The following SDK2 variants were observed in gnomAD, a reference collection of about 807,000 sequenced individuals.
SDK2 encodes the protein protein sidekick-2.
In SDK2, 105 loss-of-function variants were observed where a neutral mutation model predicts 253.9. That is an observed-to-expected ratio of 0.41 (90% CI 0.35 to 0.49). SDK2 has a LOEUF of 0.49. SDK2 is among the 20% of genes least tolerant of loss of function. SDK2 has a pLI of 0.06. For synonymous variants in SDK2, 1,249 were observed against 1,234.9 expected (o/e 1.01, Z -0.24); for missense variants, 2,608 against 3,003.0 (o/e 0.87, Z 3.07).
At position 73,459,400 on chromosome 17, in the gene SDK2, C is replaced by T. The variant is rs113270395; in HGVS notation, c.332-3347G>A. On this transcript the variant is annotated intron_variant, in intron 3 of 44. Transcript: ENST00000392650. ...ATCTGACCCTAGACAACCTTTCTTGCCTTAATGCCCACACCACGTCCTGCC... is the reference window on the plus strand; with the variant it reads ...ATCTGACCCTAGACAACCTTTCTTGTCTTAATGCCCACACCACGTCCTGCC... Among the ~76,000 whole-genome samples, 1,145 of 152,306 alleles carry T rather than the reference C, an allele frequency of 7.5e-3. 15 individuals are homozygous for T. Among genetic ancestry groups the T allele is most frequent in the African/African-American group, 0.026 (1,089 of 41,554 alleles).
intron 2 of SDK2, among the ~76,000 whole-genome samples, chr17:73,474,844 T>C (rs2063674882): frequency 6.6e-6 from 1 of 152,044 alleles, no homozygotes; most frequent in African/African-American, 2.4e-5. Flanking sequence ...CAGATATTAT[T>C]AAAAAGCACC....
At position 73,435,528 on chromosome 17, in the gene SDK2, C is replaced by A; in HGVS notation, c.1117G>T (p.Asp373Tyr). ...AAGCACTGGAACATGCCGGTATCATCGGGCACCAGGCCGCTGATCTGCAGG... is the reference window on the plus strand; with the variant it reads ...AAGCACTGGAACATGCCGGTATCATAGGGCACCAGGCCGCTGATCTGCAGG... ...GGLQISGLVP[D>Y]DTGMFQCFAR... The change falls in exon 9 of 45, where the codon GAT becomes TAT. Residue 373 changes from aspartate (D) to tyrosine (Y), a missense_variant. By Grantham distance (160) the Asp-to-Tyr change is radical (BLOSUM62 -3). This residue lies in a region of SDK2 where 1,505 missense variants were observed against 1,859.1 expected (regional missense o/e 0.81). Transcript: ENST00000392650. The surrounding 1 kb of genome is among the most constrained non-coding windows in gnomAD (Gnocchi z 5.7). 6.3e-7 allele frequency: 1 copy of A among 1,599,270 alleles called. No homozygotes were observed. The highest frequency in any genetic ancestry group is 8.5e-7 in the Non-Finnish European group (1 of 1,173,394).
chr17:73,591,974 G>C (rs930092458), intron 1 of SDK2, among the ~76,000 whole-genome samples: 1 of 152,178 alleles, frequency 6.6e-6, no homozygotes, highest in African/African-American at 2.4e-5. Context: ...AGCCTCTCTG[G>C]GGACGTGGGG....
chr17:73,381,452 C>T (rs1249938191), intron 33 of SDK2, among the ~76,000 whole-genome samples: 1 of 151,898 alleles, frequency 6.6e-6, no homozygotes, highest in African/African-American at 2.4e-5. Flanking sequence ...ACCAAAAACG[C>T]AAGCTGTTGG....
In SDK2 at chr17:73,455,463, A is replaced by G. The variant is rs2063519204; in HGVS notation, c.479+443T>C. ...TCCGCCGCACAGCCAAGACACACAC[A>G]GCCCTCACACACCAGTAAACACCCT... On this transcript the variant is annotated intron_variant, in intron 4 of 44. Coordinates refer to ENST00000392650, the MANE Select transcript of SDK2 (RefSeq NM_001144952.2). The surrounding 1 kb of genome is among the most constrained non-coding windows in gnomAD (Gnocchi z 5.0). Among the ~76,000 whole-genome samples the G allele has an allele frequency of 6.6e-6, 1 of 152,112 alleles. No individual in the cohort carries two copies. The highest frequency in any genetic ancestry group is 1.5e-5 in the Non-Finnish European group (1 of 68,010).
chr17:73,634,123 G>A (rs1440213690), intron 1 of SDK2, among the ~76,000 whole-genome samples: 2 of 152,162 alleles, frequency 1.3e-5, no homozygotes, highest in Admixed American at 6.5e-5. Flanking sequence ...CATCAAGAGG[G>A]GGCTCCAAGT....
rs918344206 is a variant in SDK2, at chr17:73,361,151, C to T, written c.5467+533G>A. On this transcript the variant is annotated intron_variant, in intron 39 of 44. Coordinates refer to ENST00000392650, the MANE Select transcript of SDK2 (RefSeq NM_001144952.2). The surrounding 1 kb of genome is among the most constrained non-coding windows in gnomAD (Gnocchi z 4.1). ...GCCACTTTGTCACGGCCTCCAGGGG[C>T]TTTTGTCTAAGTGCAGACTGCCAGG... Among the ~76,000 whole-genome samples, 13 of 152,000 alleles carry T rather than the reference C, an allele frequency of 8.6e-5. No individual in the cohort carries two copies. Among genetic ancestry groups the T allele is most frequent in the Admixed American group, 2.6e-4 (4 of 15,262 alleles).
chr17:73,487,319 T>G (rs1217149417), intron 2 of SDK2, among the ~76,000 whole-genome samples: 1 of 152,050 alleles, frequency 6.6e-6, no homozygotes, highest in Non-Finnish European at 1.5e-5. Flanking sequence ...AGGAGCAAGG[T>G]GGGTTGAAAG....
Position 73,618,480 on chromosome 17 carries a change from T to C in SDK2, c.64+25545A>G, listed in dbSNP as rs2046087742. On this transcript the variant is annotated intron_variant, in intron 1 of 44. Coordinates refer to ENST00000392650, the MANE Select transcript of SDK2 (RefSeq NM_001144952.2). The surrounding 1 kb of genome is among the most constrained non-coding windows in gnomAD (Gnocchi z 4.1). ...TCACTCCTTTGCCCTTTTAGAATCATGACCTCTTAATTAATCAGCAAGGAA... is the reference window on the plus strand; with the variant it reads ...TCACTCCTTTGCCCTTTTAGAATCACGACCTCTTAATTAATCAGCAAGGAA... Among the ~76,000 whole-genome samples, 5 of 152,228 alleles carry C rather than the reference T, an allele frequency of 3.3e-5. No individual in the cohort carries two copies. The highest frequency in any genetic ancestry group is 4.1e-4 in the South Asian group (2 of 4,832).
Position 73,350,223 on chromosome 17 carries a change from A to ACTGCTGG in SDK2, c.6038+13_6038+14insCCAGCAG, listed in dbSNP as rs746208643. Reference sequence around the variant, plus strand: ...GCTGGGCCTGGCCCCCAACCCACGCAGAGGGCCCAGTACCTGGTGTACAGG... The same window carrying ACTGCTGG: ...GCTGGGCCTGGCCCCCAACCCACGCACTGCTGGGAGGGCCCAGTACCTGGTGTACAGG... On this transcript the variant is annotated intron_variant, in intron 43 of 44. Transcript: ENST00000392650. 5 of 1,578,496 alleles carry ACTGCTGG rather than the reference A, an allele frequency of 3.2e-6. No individual in the cohort carries two copies. Among genetic ancestry groups the ACTGCTGG allele is most frequent in the South Asian group, 1.2e-5 (1 of 86,530 alleles).
chr17:73,527,929 G>A (rs912652399), intron 1 of SDK2, among the ~76,000 whole-genome samples: 17 of 152,136 alleles, frequency 1.1e-4, no homozygotes, highest in African/African-American at 4.1e-4. Context: ...AGAAGAATGG[G>A]GATTGTGGAG....
rs1245868247 is a variant in SDK2, at chr17:73,616,292, G to T, written c.64+27733C>A. ...TTCCCCACCCTCTCCCCGCCTGTCT[G>T]AGCTAGACAAATTTCCACCCCCGGC... is the stretch of plus-strand genomic sequence containing the variant. On this transcript the variant is annotated intron_variant, in intron 1 of 44. Transcript: ENST00000392650. This position sits in a 1 kb window ranked among gnomAD's most constrained non-coding sequence, Gnocchi z 5.2. Among the ~76,000 whole-genome samples, 3 of 151,930 alleles carry T rather than the reference G, an allele frequency of 2.0e-5. No homozygotes were observed. The highest frequency in any genetic ancestry group is 4.4e-5 in the Non-Finnish European group (3 of 67,998).
chr17:73,611,246 G>A (rs888109593), intron 1 of SDK2, among the ~76,000 whole-genome samples: 2 of 152,158 alleles, frequency 1.3e-5, no homozygotes, highest in Non-Finnish European at 2.9e-5. Flanking sequence ...TGCCCCCACT[G>A]CTGATGGACA....
At chr17:73,571,683 G>A (rs1483420614) in intron 1 of SDK2, among the ~76,000 whole-genome samples, 1 of 152,224 alleles carries the variant, frequency 6.6e-6, no homozygotes. Context: ...TGCCCAGCGG[G>A]GGCTACGCCT....
At chr17:73,376,844 T>C (rs570277773) in intron 36 of SDK2, among the ~76,000 whole-genome samples, 1 of 152,200 alleles carries the variant, frequency 6.6e-6, no homozygotes, top group Non-Finnish European at 1.5e-5. Context: ...TAGGGCTTCC[T>C]TGGCAACATG....
rs2062607349 is a variant in SDK2 at position 73,358,068 on chromosome 17, G to A, written c.5593+11C>T. The A allele has an allele frequency of 6.2e-7, 1 of 1,613,158 alleles. No individual in the cohort carries two copies. Among genetic ancestry groups the A allele is most frequent in the Non-Finnish European group, 8.5e-7 (1 of 1,179,794 alleles). On this transcript the variant is annotated intron_variant, in intron 40 of 44. Coordinates refer to ENST00000392650, the MANE Select transcript of SDK2 (RefSeq NM_001144952.2). Reference sequence around the variant, plus strand: ...AGCTGTGGGGTCTCAGCCCAGCAGGGCGGGGCGCACCTGAAGGTCTGGCCT... The same window carrying A: ...AGCTGTGGGGTCTCAGCCCAGCAGGACGGGGCGCACCTGAAGGTCTGGCCT...
intron 29 of SDK2, among the ~76,000 whole-genome samples, chr17:73,389,169 G>C (rs775172761): frequency 1.4e-5 from 2 of 144,840 alleles, no homozygotes; most frequent in African/African-American, 2.6e-5. Context: ...ACCACACCTG[G>C]CTGATATTCC....
intron 2 of SDK2, among the ~76,000 whole-genome samples, chr17:73,490,523 GTTT>G (rs1194044828): frequency 3.9e-5 from 4 of 101,648 alleles, no homozygotes; most frequent in Admixed American, 2.1e-4. Context: ...GCCAGGCAGT[GTTT>G]TTTTTTTTTT....
In SDK2 at chr17:73,643,987, A is replaced by AAAC; in HGVS notation, c.64+37_64+38insGTT. The AAAC allele has an allele frequency of 3.1e-6, 1 of 320,460 alleles. No individual in the cohort carries two copies. The highest frequency in any genetic ancestry group is 5.3e-6 in the Non-Finnish European group (1 of 187,578). 19.9% of individuals were successfully genotyped at this position (320,460 alleles called of 1,614,324 possible). Reference sequence around the variant, plus strand: ...CCGCCCCTCCCCCGCCCACTCTCCCAGCCCCCTCCCTGTCCCCACGTGGGG... The same window carrying AAAC: ...CCGCCCCTCCCCCGCCCACTCTCCCAAACGCCCCCTCCCTGTCCCCACGTGGGG... On this transcript the variant is annotated intron_variant, in intron 1 of 44. Coordinates refer to ENST00000392650, the MANE Select transcript of SDK2 (RefSeq NM_001144952.2). This position sits in a 1 kb window ranked among gnomAD's most constrained non-coding sequence, Gnocchi z 6.9.
Sources: allele counts gnomAD v4.1 joint callset (sites outside exome capture counted in the v4.1 genomes callset), GRCh38; gene constraint gnomAD v4.1.1; regional missense constraint gnomAD v4.1.1; non-coding constraint Gnocchi (gnomAD v3.1); transcripts MANE v1.5; gene names NCBI Gene and HGNC (gene_info 2026-07-23, HGNC 2026-07-21).